The following RALYL variants were observed in gnomAD, a reference collection of about 807,000 sequenced individuals.
RALYL encodes the protein RALY RNA binding protein like.
RALYL carries 29 observed loss-of-function variants against 35.1 expected under a neutral mutation model. The ratio of observed to expected loss-of-function variants is 0.83; its 90% CI spans 0.61 to 1.13. The LOEUF is 1.13. Ranked by LOEUF, RALYL falls within the 50% of genes most tolerant of loss-of-function variation. The pLI is 0.00. For synonymous variants in RALYL, 120 were observed against 127.6 expected, an observed-to-expected ratio of 0.94 and a Z score of 0.40; for missense variants, 359 against 360.4, an observed-to-expected ratio of 1.00 and a Z score of 0.03.
chr8:84,742,953 C>T (rs1807731717), intron 2 of RALYL, among the ~76,000 whole-genome samples: 1 of 151,766 alleles, frequency 6.6e-6, no homozygotes, highest in Admixed American at 6.6e-5. Context: ...ATGTGAGATC[C>T]TTGAATAACA....
chr8:84,394,167 C>T (rs961988618), intron 1 of RALYL, among the ~76,000 whole-genome samples: 2 of 152,100 alleles, frequency 1.3e-5, no homozygotes, highest in Admixed American at 1.3e-4. Context: ...TCACTTCCTT[C>T]TGACCACATT....
At chr8:84,202,367 A>ATTTTTTTT (rs1187950600) in intron 1 of RALYL, among the ~76,000 whole-genome samples, 2 of 113,448 alleles carry the variant, frequency 1.8e-5, no homozygotes, top group Non-Finnish European at 3.6e-5. Flanking sequence ...TATTGAAGGG[A>ATTTTTTTT]TTTTTTTTTT....
chr8:84,586,896 T>C (rs1387608792), intron 2 of RALYL, among the ~76,000 whole-genome samples: 2 of 152,178 alleles, frequency 1.3e-5, no homozygotes, highest in African/African-American at 4.8e-5. Context: ...TCTACATCAC[T>C]GTTAGAAAAT....
chr8:84,464,670 T>G (rs898379018), intron 1 of RALYL, among the ~76,000 whole-genome samples: 31 of 152,060 alleles, frequency 2.0e-4, no homozygotes, highest in Non-Finnish European at 4.3e-4. Flanking sequence ...ATGGGATGGC[T>G]GGGTGAAATG....
At chr8:84,513,258 A>AT (rs1173668915) in intron 1 of RALYL, among the ~76,000 whole-genome samples, 3 of 151,928 alleles carry the variant, frequency 2.0e-5, no homozygotes, top group Non-Finnish European at 4.4e-5. Flanking sequence ...ATTCCCAAAT[A>AT]TTTTTTGTAG....
intron 7 of RALYL, among the ~76,000 whole-genome samples, chr8:84,879,796 C>A (rs912068134): frequency 6.6e-6 from 1 of 151,930 alleles, no homozygotes. Flanking sequence ...TCCTTAGCAA[C>A]TAGATCAAAC....
chr8:84,754,032 G>A (rs1390059490), intron 2 of RALYL, among the ~76,000 whole-genome samples: 7 of 151,782 alleles, frequency 4.6e-5, no homozygotes, highest in African/African-American at 1.7e-4. Flanking sequence ...GTAGATTCTG[G>A]ATATTAGCCC....
intron 3 of RALYL, among the ~76,000 whole-genome samples, chr8:84,795,591 T>G (rs1821724991): frequency 1.3e-5 from 2 of 152,332 alleles, no homozygotes; most frequent in South Asian, 4.1e-4. Flanking sequence ...TACTGTGGAT[T>G]TTATACCTTT....
chr8:84,828,302 C>A (rs1035304021), intron 4 of RALYL, among the ~76,000 whole-genome samples: 7 of 152,134 alleles, frequency 4.6e-5, no homozygotes, highest in African/African-American at 1.7e-4. Flanking sequence ...AAGCCACACT[C>A]TAGAAAAATG....
At chr8:84,733,270 T>C (rs1010733277) in intron 2 of RALYL, among the ~76,000 whole-genome samples, 2 of 152,150 alleles carry the variant, frequency 1.3e-5, no homozygotes, top group Admixed American at 1.3e-4. Context: ...TTCTGTCACC[T>C]GTCATCAGCA....
At chr8:84,632,325 C>T (rs556014515) in intron 2 of RALYL, among the ~76,000 whole-genome samples, 2 of 152,026 alleles carry the variant, frequency 1.3e-5, no homozygotes, top group South Asian at 4.1e-4. Context: ...TGAACTAAGA[C>T]ACATATCTTA....
intron 1 of RALYL, among the ~76,000 whole-genome samples, chr8:84,443,832 A>G (rs935667759): frequency 6.6e-6 from 1 of 152,088 alleles, no homozygotes; most frequent in South Asian, 2.1e-4. Context: ...CTACTTCTTA[A>G]TTACATACTA....
chr8:84,260,467 A>G (rs1469762900), intron 1 of RALYL, among the ~76,000 whole-genome samples: 1 of 152,048 alleles, frequency 6.6e-6, no homozygotes, highest in African/African-American at 2.4e-5. Context: ...TCAGACAGCT[A>G]GTTTGTGCCA....
intron 2 of RALYL, among the ~76,000 whole-genome samples, chr8:84,686,809 C>G (rs1296503049): frequency 2.0e-5 from 3 of 152,106 alleles, no homozygotes; most frequent in African/African-American, 7.2e-5. Context: ...TTCTTATTCC[C>G]CCCAATGACG....
rs1403894250 is a variant in RALYL, at chr8:84,464,613, G to T, written c.-23-64686G>T. Among the ~76,000 whole-genome samples, 13 of 150,784 alleles carry T rather than the reference G, an allele frequency of 8.6e-5. 2 individuals are homozygous for T. The South Asian group carries it at 2.7e-3, about 32-fold the overall frequency. On this transcript the variant is annotated intron_variant, in intron 1 of 8. Transcript: ENST00000521268. ...CCGCAATAAACATACGTGTGCATGT[G>T]TCTTTATAGCAGCATGATTTATAGT... is the stretch of plus-strand genomic sequence containing the variant.
intron 2 of RALYL, among the ~76,000 whole-genome samples, chr8:84,631,832 C>A (rs1019093737): frequency 4.0e-5 from 6 of 151,804 alleles, no homozygotes; most frequent in African/African-American, 1.5e-4. Context: ...AAATTATACA[C>A]AAAATTATTT....
intron 2 of RALYL, among the ~76,000 whole-genome samples, chr8:84,621,585 C>T (rs1049457404): frequency 7.5e-6 from 1 of 133,754 alleles, no homozygotes; most frequent in South Asian, 2.1e-4. Context: ...GAGCTGTAGA[C>T]CGGAGCTGTT....
intron 1 of RALYL, among the ~76,000 whole-genome samples, chr8:84,346,361 G>A (rs997998677): frequency 1.3e-5 from 2 of 152,080 alleles, no homozygotes; most frequent in African/African-American, 4.8e-5. Context: ...AATGGTTACT[G>A]TTTGTCATTG....
chr8:84,670,104 C>G (rs760632796), intron 2 of RALYL, among the ~76,000 whole-genome samples: 18 of 151,602 alleles, frequency 1.2e-4, no homozygotes, highest in African/African-American at 2.4e-5. Flanking sequence ...GGCATCTTCT[C>G]TGACTATTTC....
Sources: allele counts gnomAD v4.1 joint callset (sites outside exome capture counted in the v4.1 genomes callset), GRCh38; gene constraint gnomAD v4.1.1; transcripts MANE v1.5; gene names NCBI Gene and HGNC (gene_info 2026-07-23, HGNC 2026-07-21).